Variants in CYP2C18 observed in about 807,000 individuals in gnomAD.
CYP2C18 encodes the protein cytochrome P450 2C18.
Under a neutral mutation model 41.3 loss-of-function variants are expected in CYP2C18, and 38 were observed. That is an observed-to-expected ratio of 0.92 (90% CI 0.71 to 1.21). The LOEUF is 1.21. Ranked by LOEUF, CYP2C18 falls within the 50% of genes most tolerant of loss-of-function variation. CYP2C18 has a pLI of 0.00. For missense variants in CYP2C18, 635 were observed against 591.4 expected (o/e 1.07, Z -0.77); for synonymous variants, 236 against 210.0 (o/e 1.12, Z -1.07).
intron 4 of CYP2C18, among the ~76,000 whole-genome samples, chr10:94,702,560 T>C (rs1472208535): frequency 6.6e-6 from 1 of 151,992 alleles, no homozygotes; most frequent in Non-Finnish European, 1.5e-5. Context: ...CATGAAGTTC[T>C]TGTGCTTTGT....
chr10:94,729,151 A>G (rs1847790365), intron 7 of CYP2C18, among the ~76,000 whole-genome samples: 1 of 152,184 alleles, frequency 6.6e-6, no homozygotes, highest in Non-Finnish European at 1.5e-5. Context: ...AGGGCAACCA[A>G]ATAGCTGTAT....
At chr10:94,708,963 T>G (rs1294242403) in intron 5 of CYP2C18, among the ~76,000 whole-genome samples, 1 of 152,174 alleles carries the variant, frequency 6.6e-6, no homozygotes, top group African/African-American at 2.4e-5. Flanking sequence ...TATTTTATAT[T>G]TCCATTCATT....
intron 4 of CYP2C18, among the ~76,000 whole-genome samples, chr10:94,700,180 A>G (rs1272269975): frequency 6.6e-6 from 1 of 152,256 alleles, no homozygotes; most frequent in East Asian, 1.9e-4. Context: ...GTCAATCCTA[A>G]GCCGAAAGAA....
chr10:94,719,396 C>A (rs1332871210), intron 5 of CYP2C18, among the ~76,000 whole-genome samples: 1 of 151,440 alleles, frequency 6.6e-6, no homozygotes, highest in Non-Finnish European at 1.5e-5. Flanking sequence ...ACAACATGAA[C>A]CTTCATCTTG....
At chr10:94,728,736 T>A in intron 7 of CYP2C18, 1 of 312,826 alleles carries the variant, frequency 3.2e-6, no homozygotes, top group Non-Finnish European at 4.6e-6. Flanking sequence ...CAAATTCTCC[T>A]CACTTTTTTT....
chr10:94,707,848 C>T (rs2134191765), intron 5 of CYP2C18, among the ~76,000 whole-genome samples: 1 of 152,216 alleles, frequency 6.6e-6, no homozygotes, highest in Middle Eastern at 3.4e-3. Flanking sequence ...GTAATGAGAG[C>T]AGACATTCTC....
chr10:94,702,315 T>C (rs1343985060), intron 4 of CYP2C18, among the ~76,000 whole-genome samples: 3 of 152,186 alleles, frequency 2.0e-5, no homozygotes, highest in Non-Finnish European at 4.4e-5. Context: ...CTGGATAGTA[T>C]CCTGAAGCGT....
intron 5 of CYP2C18, among the ~76,000 whole-genome samples, chr10:94,716,477 T>C (rs1328343082): frequency 6.6e-6 from 1 of 152,216 alleles, no homozygotes; most frequent in Non-Finnish European, 1.5e-5. Flanking sequence ...TCAGTTTGCA[T>C]GTAATTGAGT....
chr10:94,715,821 T>A (rs1244963146), intron 5 of CYP2C18, among the ~76,000 whole-genome samples: 1 of 152,050 alleles, frequency 6.6e-6, no homozygotes, highest in Non-Finnish European at 1.5e-5. Flanking sequence ...CTGGACTTTT[T>A]TTTTGTTGGT....
At chr10:94,697,153 A>C (rs558546891) in intron 4 of CYP2C18, among the ~76,000 whole-genome samples, 1 of 152,330 alleles carries the variant, frequency 6.6e-6, no homozygotes, top group East Asian at 1.9e-4. Flanking sequence ...CTCCTCGGGA[A>C]GAGCAACTCC....
At chr10:94,729,893 A>T (rs1484870510) in intron 7 of CYP2C18, among the ~76,000 whole-genome samples, 1 of 152,164 alleles carries the variant, frequency 6.6e-6, no homozygotes, top group African/African-American at 2.4e-5. Flanking sequence ...TGGTAGAGAA[A>T]ATAGGAATGC....
intron 7 of CYP2C18, among the ~76,000 whole-genome samples, chr10:94,726,761 G>A (rs1449493318): frequency 6.6e-6 from 1 of 152,172 alleles, no homozygotes; most frequent in Middle Eastern, 3.4e-3. Context: ...CTTTTCCAGT[G>A]CCTTCTAACA....
intron 3 of CYP2C18, among the ~76,000 whole-genome samples, chr10:94,691,815 C>G (rs1335349607): frequency 6.6e-6 from 1 of 152,026 alleles, no homozygotes; most frequent in Non-Finnish European, 1.5e-5. Context: ...GGTACTGGTA[C>G]CAAAACAGAG....
chr10:94,706,635 G>T, intron 4 of CYP2C18, 149 bp from the exon 5 acceptor site: 1 of 510,732 alleles, frequency 2.0e-6, no homozygotes, highest in Non-Finnish European at 3.5e-6. Flanking sequence ...TATCAGTATA[G>T]AGGACTACTT....
At chr10:94,715,668 C>T (rs1353447887) in intron 5 of CYP2C18, among the ~76,000 whole-genome samples, 1 of 152,112 alleles carries the variant, frequency 6.6e-6, no homozygotes, top group Admixed American at 6.6e-5. Flanking sequence ...CTCTGTCAGG[C>T]TTTGGTATTA....
intron 4 of CYP2C18, among the ~76,000 whole-genome samples, chr10:94,696,188 G>C (rs564836261): frequency 5.3e-5 from 8 of 152,300 alleles, no homozygotes; most frequent in Admixed American, 4.6e-4. Context: ...TGCGTCTTAA[G>C]TGGGTCCCTG....
In CYP2C18 at chr10:94,712,198, A is replaced by C. The variant is rs183728248; in HGVS notation, c.819+5238A>C. 1.8e-3 allele frequency among the ~76,000 whole-genome samples: 260 copies of C among 148,568 alleles called. 6 individuals carry two copies. The highest frequency in any genetic ancestry group is 0.017 in the Admixed American group (252 of 14,888). Reference sequence around the variant, plus strand: ...TATTTAAGGTTGGTTGAATCAATGGATGTGGAATCCATGGATAGGAAGGTG... The same window carrying C: ...TATTTAAGGTTGGTTGAATCAATGGCTGTGGAATCCATGGATAGGAAGGTG... On this transcript the variant is annotated intron_variant, in intron 5 of 8. Coordinates refer to ENST00000285979, the MANE Select transcript of CYP2C18 (RefSeq NM_000772.3).
intron 5 of CYP2C18, among the ~76,000 whole-genome samples, chr10:94,712,927 T>G (rs1249600771): frequency 6.6e-6 from 1 of 152,188 alleles, no homozygotes; most frequent in African/African-American, 2.4e-5. Flanking sequence ...TTGTAACTTT[T>G]TAATGATTAG....
chr10:94,711,370 G>A (rs1006399118), intron 5 of CYP2C18, among the ~76,000 whole-genome samples: 5 of 151,876 alleles, frequency 3.3e-5, no homozygotes, highest in African/African-American at 7.3e-5. Flanking sequence ...GCACATTTCC[G>A]AGTTCATAAT....
Sources: gnomAD v4.1 joint callset for allele counts (sites outside exome capture counted in the v4.1 genomes callset) on GRCh38, gnomAD v4.1.1 for gene constraint, MANE v1.5 for transcripts, NCBI Gene and HGNC (gene_info 2026-07-23, HGNC 2026-07-21) for gene names.